DPY19L4: variants seen among roughly 807,000 people sequenced by gnomAD.
DPY19L4 encodes dpy-19 like 4, also known as probable C-mannosyltransferase DPY19L4.
A neutral mutation model predicts 102.8 loss-of-function variants in DPY19L4; 97 were observed. That is an observed-to-expected ratio of 0.94 (90% confidence interval 0.80 to 1.12). The LOEUF (loss-of-function observed/expected upper bound fraction) is 1.12, where lower values mean the gene tolerates loss of function less well. DPY19L4 is among the 50% of genes most tolerant of loss of function. The pLI, the probability that DPY19L4 is intolerant of heterozygous loss-of-function variation, is 0.00. For missense variants in DPY19L4, 815 were observed against 850.4 expected, an observed-to-expected ratio of 0.96 and a Z score of 0.52; for synonymous variants, 252 against 283.1, an observed-to-expected ratio of 0.89 and a Z score of 1.10.
chr8:94,765,372 T>A, intron 9 of DPY19L4, 58 bp downstream of exon 9: 1 of 1,471,400 alleles, frequency 6.8e-7, no homozygotes, highest in Non-Finnish European at 9.3e-7. Context: ...TGAAGTGGAG[T>A]CTCACTCTGT....
intron 7 of DPY19L4, among the ~76,000 whole-genome samples, chr8:94,758,002 C>T (rs748036921): frequency 1.8e-4 from 27 of 151,846 alleles, no homozygotes; most frequent in Non-Finnish European, 3.4e-4. Context: ...CTCCCAGCTA[C>T]TTGGGAGGCT....
intron 6 of DPY19L4, among the ~76,000 whole-genome samples, chr8:94,741,392 AAAT>A (rs1303380521): frequency 2.6e-5 from 4 of 152,160 alleles, no homozygotes. Context: ...AGGTTTTATA[AAAT>A]TATATTTTTC....
chr8:94,720,250 T>C (rs781524337), intron 1 of DPY19L4: 6 of 985,092 alleles, frequency 6.1e-6, no homozygotes, highest in Non-Finnish European at 7.2e-6. Flanking sequence ...GAGCTGAAAG[T>C]TGGGAATCCG....
chr8:94,764,695 A>C (rs764918437), intron 8 of DPY19L4, among the ~76,000 whole-genome samples: 3 of 35,918 alleles, frequency 8.4e-5, no homozygotes, highest in Admixed American at 3.3e-4. Flanking sequence ...GTGTGTATAT[A>C]TATATATATA....
At position 94,765,187 on chromosome 8, in the gene DPY19L4, A is replaced by G. The variant is rs746426201; in HGVS notation, c.875A>G (p.Tyr292Cys). ...TFSVEQSDKV[Y>C]EVYKIYIFSL... Reference sequence around the variant, plus strand: ...ATTTTATTTTTGTCACAACAGGTTTATGAAGTTTATAAAATCTACATATTT... The same window carrying G: ...ATTTTATTTTTGTCACAACAGGTTTGTGAAGTTTATAAAATCTACATATTT... Residue 292 changes from tyrosine (Y) to cysteine (C), a missense_variant, in exon 9 of 19, where the codon TAT becomes TGT. Physicochemically the swap from Tyr to Cys is radical, Grantham distance 194. Transcript: ENST00000414645. 6.7e-6 allele frequency: 10 copies of G among 1,495,596 alleles called. No homozygotes were observed. In the African/African-American group the frequency reaches 1.4e-4, roughly 21 times the overall value. 92.6% of individuals were successfully genotyped at this position (1,495,596 alleles called of 1,614,324 possible).
Position 94,792,527 on chromosome 8 carries a change from C to T in DPY19L4, c.*2617C>T, listed in dbSNP as rs1219831236. The T allele has an allele frequency of 6.6e-6, 1 of 150,834 alleles. No individual in the cohort carries two copies. Among genetic ancestry groups the T allele is most frequent in the Non-Finnish European group, 1.5e-5 (1 of 67,788 alleles). 9.3% of individuals were successfully genotyped at this position (150,834 alleles called of 1,614,324 possible). ...CCTCCCAAAGTGCTGGGATTACAGA[C>T]GTGAGCCACTGCGCCCGGCGCAAGT... On this transcript the variant is annotated 3_prime_UTR_variant, in exon 19 of 19. Transcript: ENST00000414645.
In DPY19L4 at chr8:94,766,614, G is replaced by A. The variant is rs148430544; in HGVS notation, c.1104G>A (p.Met368Ile). 6.2e-6 allele frequency: 10 copies of A among 1,613,254 alleles called. No individual in the cohort carries two copies. In the African/African-American group the frequency reaches 1.1e-4, roughly 17 times the overall value. Residue 368 changes from methionine to isoleucine, a missense_variant and splice_region_variant, in exon 11 of 19, where the codon ATG becomes ATA. Physicochemically the swap from Met to Ile is conservative, Grantham distance 10. Coordinates refer to ENST00000414645, the MANE Select transcript of DPY19L4 (RefSeq NM_181787.3). Reference protein sequence around the residue: ...LTITLNIIMKMFVPHKENGHM... With the variant: ...LTITLNIIMKIFVPHKENGHM... ...TAACTGGTGTTTTTCTCTTCTAGAT[G>A]TTTGTCCCACACAAAGAAAATGGGC...
At chr8:94,767,454 C>T (rs896080426) in intron 11 of DPY19L4, among the ~76,000 whole-genome samples, 2 of 151,940 alleles carry the variant, frequency 1.3e-5, no homozygotes, top group Non-Finnish European at 2.9e-5. Flanking sequence ...CTACCATGCC[C>T]GGCTAATTTT....
At position 94,739,738 on chromosome 8, in the gene DPY19L4, A is replaced by G; in HGVS notation, c.559A>G (p.Ser187Gly). 1 of 1,613,224 alleles carries G rather than the reference A, an allele frequency of 6.2e-7. No individual in the cohort carries two copies. Among genetic ancestry groups the G allele is most frequent in the Non-Finnish European group, 8.5e-7 (1 of 1,180,042 alleles). Residue 187 changes from serine (S) to glycine (G), a missense_variant, in exon 6 of 19, where the codon AGT (serine) becomes GGT (glycine). Ser to Gly is a moderately conservative substitution (Grantham distance 56). Coordinates refer to ENST00000414645, the MANE Select transcript of DPY19L4 (RefSeq NM_181787.3). Reference sequence around the variant, plus strand: ...TTTATTTGTTACAAGTTGGCTTATGAGTGGAACATGGCTAGCAGGAATGCT... The same window carrying G: ...TTTATTTGTTACAAGTTGGCTTATGGGTGGAACATGGCTAGCAGGAATGCT... The part of the protein sequence containing the change: ...TALFVTSWLM[S>G]GTWLAGMLTV...
At chr8:94,761,664 T>A in intron 7 of DPY19L4, 36 bp from the exon 8 acceptor site, 1 of 1,545,182 alleles carries the variant, frequency 6.5e-7, no homozygotes, top group Non-Finnish European at 8.7e-7. Context: ...GTAATAAAGT[T>A]ATTGATATTT....
At chr8:94,755,514 T>C (rs376144475) in intron 6 of DPY19L4, among the ~76,000 whole-genome samples, 1 of 152,138 alleles carries the variant, frequency 6.6e-6, no homozygotes, top group African/African-American at 2.4e-5. Context: ...TTTCACCAAG[T>C]AGTGCACAGT....
At chr8:94,721,993 C>G (rs2130775067) in intron 1 of DPY19L4, among the ~76,000 whole-genome samples, 1 of 152,166 alleles carries the variant, frequency 6.6e-6, no homozygotes, top group South Asian at 2.1e-4. Context: ...TCTGTAGTCC[C>G]AGCTACTCAG....
chr8:94,775,328 C>T (rs149243615), intron 13 of DPY19L4, among the ~76,000 whole-genome samples: 1,702 of 152,024 alleles, frequency 0.011, 16 homozygotes, highest in Middle Eastern at 0.038. Context: ...TGTGCCACCA[C>T]GCCTGGCTAA....
chr8:94,753,179 A>G (rs1026992929), intron 6 of DPY19L4, among the ~76,000 whole-genome samples: 1 of 152,178 alleles, frequency 6.6e-6, no homozygotes, highest in Non-Finnish European at 1.5e-5. Context: ...TTGTTTGTAT[A>G]CATTTTCTAA....
rs922325898 is a variant in DPY19L4 at position 94,775,898 on chromosome 8, C to T, written c.1455-1768C>T. ...CATTTTTAGCAGTTAGCATCTCCTA[C>T]GGAGATGGGCTCCTTTTGTTTTCTT... On this transcript the variant is annotated intron_variant, in intron 13 of 18. Transcript: ENST00000414645. Among the ~76,000 whole-genome samples the T allele has an allele frequency of 2.6e-5, 4 of 151,964 alleles. No homozygotes were observed. The South Asian group carries it at 6.2e-4, about 24-fold the overall frequency.
rs146012143 is a variant in DPY19L4 at position 94,726,392 on chromosome 8, C to T, written c.78C>T (p.Ala26=). 38 of 1,611,950 alleles carry T rather than the reference C, an allele frequency of 2.4e-5. No individual in the cohort carries two copies. The African/African-American group carries it at 4.4e-4, about 19-fold the overall frequency. ...AGTCTTCAGAAAATAAGGAATCTGC[C>T]AAAGAAGAGAAAATCAGTGACATTC... ...KPKSSENKES[A]KEEKISDIPI... is the part of the protein sequence containing the mutation. Residue 26 remains alanine (A), a synonymous_variant, in exon 2 of 19, where the codon GCC becomes GCT. Coordinates refer to ENST00000414645, the MANE Select transcript of DPY19L4 (RefSeq NM_181787.3).
intron 13 of DPY19L4, among the ~76,000 whole-genome samples, chr8:94,776,026 C>CTT (rs1165180641): frequency 0.033 from 2,693 of 81,546 alleles, 60 homozygotes; most frequent in Middle Eastern, 0.06. Context: ...ATTTTTAAAT[C>CTT]TTTTTTTTTT....
chr8:94,757,467 T>A (rs1586369346), intron 7 of DPY19L4, among the ~76,000 whole-genome samples: 1 of 152,148 alleles, frequency 6.6e-6, no homozygotes, highest in Non-Finnish European at 1.5e-5. Context: ...TGGAGTGTGA[T>A]GGCGTGATCT....
chr8:94,771,127 G>A (rs1352447806), intron 13 of DPY19L4, among the ~76,000 whole-genome samples: 1 of 151,986 alleles, frequency 6.6e-6, no homozygotes, highest in Non-Finnish European at 1.5e-5. Context: ...ACATTGGTCA[G>A]GCTGGTCTTG....
Sources: allele counts gnomAD v4.1 joint callset (sites outside exome capture counted in the v4.1 genomes callset), GRCh38; gene constraint gnomAD v4.1.1; transcripts MANE v1.5; gene names NCBI Gene and HGNC (gene_info 2026-07-23, HGNC 2026-07-21).